Variants in SBK1 observed in about 807,000 individuals in gnomAD.
The protein encoded by SBK1 is SH3 domain binding kinase 1, also known as serine/threonine-protein kinase SBK1.
Under a neutral mutation model 24.4 loss-of-function variants are expected in SBK1, and 11 were observed. The ratio of observed to expected loss-of-function variants is 0.45; its 90% CI spans 0.28 to 0.75. The LOEUF (loss-of-function observed/expected upper bound fraction) is 0.75, where lower values mean the gene tolerates loss of function less well. SBK1 is among the 30% of genes least tolerant of loss of function. The probability of loss-of-function intolerance (pLI) is 0.12; values close to 1 mark genes in which losing one functional copy is unlikely to be tolerated. For missense variants in SBK1, 467 were observed against 620.5 expected, an observed-to-expected ratio of 0.75 and a Z score of 2.63; for synonymous variants, 308 against 284.4, an observed-to-expected ratio of 1.08 and a Z score of -0.83.
In SBK1 at chr16:28,317,860, G is replaced by A. The variant is rs2044809256; in HGVS notation, c.226+243G>A. ...TGGCCAGGGTACAGGATGGGCTGCT[G>A]TGGGGCCATCTGGGGTGACTTTGAG... On this transcript the variant is annotated intron_variant, in intron 2 of 3. Transcript: ENST00000341901. The surrounding 1 kb of genome is among the most constrained non-coding windows in gnomAD (Gnocchi z 4.2). 2.0e-5 allele frequency among the ~76,000 whole-genome samples: 3 copies of A among 152,068 alleles called. No individual in the cohort carries two copies. The highest frequency in any genetic ancestry group is 2.0e-4 in the Admixed American group (3 of 15,266).
chr16:28,320,964 C>CG lies in SBK1; in HGVS notation c.*43_*44insG. ...CGGACCCGGGAGCAGCCCGGGCCCG[C>CG]CCCGAGCCGGTGCCCGGTGCGGCGG... On this transcript the variant is annotated 3_prime_UTR_variant, in exon 4 of 4. Coordinates refer to ENST00000341901, the MANE Select transcript of SBK1 (RefSeq NM_001024401.3). This position sits in a 1 kb window ranked among gnomAD's most constrained non-coding sequence, Gnocchi z 8.5. 7.4e-7 allele frequency: 1 copy of CG among 1,348,020 alleles called. No individual in the cohort carries two copies. Among genetic ancestry groups the CG allele is most frequent in the Non-Finnish European group, 9.5e-7 (1 of 1,054,648 alleles). 83.5% of individuals were successfully genotyped at this position (1,348,020 alleles called of 1,614,324 possible). A position where few individuals can be genotyped will look rare whatever the true frequency, so the allele number is the denominator to read the frequency against.
At position 28,321,406 on chromosome 16, in the gene SBK1, A is replaced by G. The variant is rs1024096071; in HGVS notation, c.*485A>G. 1 of 152,858 alleles carries G rather than the reference A, an allele frequency of 6.5e-6. No individual in the cohort carries two copies. Among genetic ancestry groups the G allele is most frequent in the Non-Finnish European group, 1.5e-5 (1 of 68,318 alleles). The allele number at this position is 152,858 out of a possible 1,614,324, so 9.5% of individuals were successfully genotyped here. A position where few individuals can be genotyped will look rare whatever the true frequency, so the allele number is the denominator to read the frequency against. On this transcript the variant is annotated 3_prime_UTR_variant, in exon 4 of 4. Coordinates refer to ENST00000341901, the MANE Select transcript of SBK1 (RefSeq NM_001024401.3). ...ATTCTGCCCCCTCCCCACCCTGGGT[A>G]CAGAAAGGGACTGAAGTGTTGGGCA...
intron 1 of SBK1, among the ~76,000 whole-genome samples, chr16:28,309,333 G>A (rs1017421653): frequency 1.3e-5 from 2 of 152,200 alleles, no homozygotes; most frequent in African/African-American, 2.4e-5. Flanking sequence ...GGGAGGCAAC[G>A]TGGTTCCCTG....
At chr16:28,307,203 C>T (rs1431240774) in intron 1 of SBK1, among the ~76,000 whole-genome samples, 2 of 152,204 alleles carry the variant, frequency 1.3e-5, no homozygotes, top group Non-Finnish European at 2.9e-5. Flanking sequence ...CAGGGAACCC[C>T]TGTCATGTAC....
Position 28,320,756 on chromosome 16 carries a change from C to T in SBK1, c.1110C>T (p.Val370=). The change falls in exon 4 of 4, where the codon GTC becomes GTT. Residue 370 remains valine, a synonymous_variant. Coordinates refer to ENST00000341901, the MANE Select transcript of SBK1 (RefSeq NM_001024401.3). This position sits in a 1 kb window ranked among gnomAD's most constrained non-coding sequence, Gnocchi z 8.5. ...GSGSRPAPPA[V]GSVPLPVPVP... is the part of the protein sequence containing the mutation. ...GCTCCCGGCCCGCGCCCCCCGCCGT[C>T]GGGTCGGTGCCCTTGCCCGTGCCGG... The T allele has an allele frequency of 7.8e-7, 1 of 1,282,286 alleles. No individual in the cohort carries two copies. 79.4% of individuals were successfully genotyped at this position (1,282,286 alleles called of 1,614,324 possible).
chr16:28,291,189 G>A (rs553316838), upstream of SBK1: 1 of 152,188 alleles, frequency 6.6e-6, no homozygotes, highest in Non-Finnish European at 1.5e-5. Context: ...AAAAAATGAT[G>A]AGTTCATGTC....
intron 1 of SBK1, among the ~76,000 whole-genome samples, chr16:28,278,563 A>G (rs1190922071): frequency 6.6e-6 from 1 of 151,858 alleles, no homozygotes; most frequent in African/African-American, 2.4e-5. Context: ...TATTTATCTT[A>G]TTTTGAGACA....
At chr16:28,287,589 A>G (rs985982334), upstream of SBK1, among the ~76,000 whole-genome samples, 1 of 152,170 alleles carries the variant, frequency 6.6e-6, no homozygotes, top group African/African-American at 2.4e-5. Flanking sequence ...GCTTATCCCT[A>G]GGCGTCAGGG....
chr16:28,320,153 G>A lies in SBK1; in HGVS notation c.507G>A (p.Gln169=). The A allele has an allele frequency of 6.3e-7, 1 of 1,582,848 alleles. No homozygotes were observed. Among genetic ancestry groups the A allele is most frequent in the South Asian group, 1.1e-5 (1 of 88,524 alleles). The part of the protein sequence containing the change: ...GLALDFMHGR[Q]LVHRDIKPEN... ...CGCTGGACTTCATGCACGGGCGGCA[G>A]CTGGTGCACCGCGACATCAAGCCCG... Residue 169 remains glutamine, a synonymous_variant, in exon 4 of 4, where the codon CAG becomes CAA. Coordinates refer to ENST00000341901, the MANE Select transcript of SBK1 (RefSeq NM_001024401.3). This position sits in a 1 kb window ranked among gnomAD's most constrained non-coding sequence, Gnocchi z 8.5.
At chr16:28,290,128 G>A (rs2044589564), upstream of SBK1, among the ~76,000 whole-genome samples, 2 of 151,902 alleles carry the variant, frequency 1.3e-5, no homozygotes, top group Admixed American at 1.3e-4. Context: ...CTAGAATAGC[G>A]TGGCTGAGGT....
At chr16:28,260,500 C>A (rs892382327) in intron 1 of SBK1, among the ~76,000 whole-genome samples, 10 of 152,240 alleles carry the variant, frequency 6.6e-5, no homozygotes, top group Admixed American at 5.2e-4. Context: ...ATGGGCCAAG[C>A]CAGTTTCCCC....
At chr16:28,306,324 G>A (rs928787608) in intron 1 of SBK1, among the ~76,000 whole-genome samples, 73 of 152,222 alleles carry the variant, frequency 4.8e-4, no homozygotes, top group South Asian at 6.2e-4. Context: ...AGAGATTTCC[G>A]ATGACTTTGA....
chr16:28,287,381 G>A (rs1367982595), intron 1 of SBK1, among the ~76,000 whole-genome samples: 4 of 150,874 alleles, frequency 2.7e-5, no homozygotes, highest in South Asian at 2.1e-4. Flanking sequence ...CCTGGGAGGC[G>A]GAGGCTGCAG....
intron 1 of SBK1, among the ~76,000 whole-genome samples, chr16:28,314,608 G>T (rs917984598): frequency 1.3e-5 from 2 of 152,194 alleles, no homozygotes; most frequent in African/African-American, 4.8e-5. Context: ...CTCCCAGAGG[G>T]AGCTGTGGTC....
rs1230385223 is a variant in SBK1 at position 28,280,149 on chromosome 16, A to ATATATATG, written c.257+20648_257+20649insATATATGT. Among the ~76,000 whole-genome samples the ATATATATG allele has an allele frequency of 9.2e-3, 363 of 39,322 alleles. 3 individuals carry two copies. The highest frequency in any genetic ancestry group is 0.019 in the Middle Eastern group (1 of 54). The allele number at this position is 39,322 out of a possible 152,430, so 25.8% of individuals were successfully genotyped here. ...TATATATATATATATATATATATAT[A>ATATATATG]TGTGTGTGTGTGTGTGTGTGTGTAT... On this transcript the variant is annotated intron_variant, in intron 1 of 3. Coordinates refer to the SBK1 transcript ENST00000671413.
At chr16:28,302,534 G>A (rs1256442628) in intron 1 of SBK1, among the ~76,000 whole-genome samples, 1 of 152,180 alleles carries the variant, frequency 6.6e-6, no homozygotes, top group African/African-American at 2.4e-5. Context: ...AATTCAGGGG[G>A]CAGTTGTTCT....
At chr16:28,293,873 C>G (rs1312631383) in intron 1 of SBK1, among the ~76,000 whole-genome samples, 1 of 152,104 alleles carries the variant, frequency 6.6e-6, no homozygotes, top group Non-Finnish European at 1.5e-5. Context: ...GCCACACTGG[C>G]GGTCTTTACC....
rs1348406142 is a variant in SBK1, at chr16:28,320,644, C to T, written c.998C>T (p.Pro333Leu). 4.3e-6 allele frequency: 5 copies of T among 1,160,350 alleles called. No individual in the cohort carries two copies. The African/African-American group carries it at 6.6e-5, about 15-fold the overall frequency. 71.9% of individuals were successfully genotyped at this position (1,160,350 alleles called of 1,614,324 possible). A position where few individuals can be genotyped will look rare whatever the true frequency, so the allele number is the denominator to read the frequency against. Residue 333 changes from proline (P) to leucine (L), a missense_variant, in exon 4 of 4, where the codon CCC (proline) becomes CTC (leucine). Coordinates refer to ENST00000341901, the MANE Select transcript of SBK1 (RefSeq NM_001024401.3). This position sits in a 1 kb window ranked among gnomAD's most constrained non-coding sequence, Gnocchi z 8.5. Reference sequence around the variant, plus strand: ...CCCTCGCACCGCGCGCGCAAGCCCCCCGGGGACCGCCCGCCCGCCGCCGGG... The same window carrying T: ...CCCTCGCACCGCGCGCGCAAGCCCCTCGGGGACCGCCCGCCCGCCGCCGGG... ...RRPSHRARKP[P>L]GDRPPAAGPL...
chr16:28,292,647 G>A lies in SBK1; in HGVS notation c.-661G>A. ...CCGGGGGCCGGGAGCGCAGGGCCGG[G>A]CTGCTCGTAGCGGCGGCGACCGAGC... On this transcript the variant is annotated 5_prime_UTR_variant, in exon 1 of 4. Coordinates refer to ENST00000341901, the MANE Select transcript of SBK1 (RefSeq NM_001024401.3). 2 of 983,602 alleles carry A rather than the reference G, an allele frequency of 2.0e-6. No homozygotes were observed. Among genetic ancestry groups the A allele is most frequent in the Non-Finnish European group, 2.4e-6 (2 of 829,150 alleles). 60.9% of individuals were successfully genotyped at this position (983,602 alleles called of 1,614,324 possible). A position where few individuals can be genotyped will look rare whatever the true frequency, so the allele number is the denominator to read the frequency against.
Sources: gnomAD v4.1 joint callset for allele counts (sites outside exome capture counted in the v4.1 genomes callset) on GRCh38, gnomAD v4.1.1 for gene constraint, Gnocchi (gnomAD v3.1) non-coding constraint, MANE v1.5 for transcripts, NCBI Gene and HGNC (gene_info 2026-07-23, HGNC 2026-07-21) for gene names.